Variants in HDAC9 observed in about 807,000 individuals in gnomAD.
The protein encoded by HDAC9 is MEF-2 interacting transcription repressor (MITR) protein.
A neutral mutation model predicts 139.4 loss-of-function variants in HDAC9; 41 were observed. The observed-to-expected ratio is 0.29, with a 90% CI of 0.23 to 0.38. The LOEUF (loss-of-function observed/expected upper bound fraction) is 0.38. Among genes scored for constraint, HDAC9 ranks in the 10% least tolerant of loss-of-function variants. The pLI is 1.00. For missense variants in HDAC9, 1,147 were observed against 1,297.0 expected, an observed-to-expected ratio of 0.88 and a Z score of 1.78; for synonymous variants, 517 against 476.2, an observed-to-expected ratio of 1.09 and a Z score of -1.12.
chr7:18,835,490 C>A lies in HDAC9; in HGVS notation c.2490C>A (p.Thr830=). ...AGGATGTTCACCATGGAAACGGTACCCAGCAGGCCTTTTATGCTGACCCCA... is the reference window on the plus strand; with the variant it reads ...AGGATGTTCACCATGGAAACGGTACACAGCAGGCCTTTTATGCTGACCCCA... The part of the protein sequence containing the change: ...VDLDVHHGNG[T]QQAFYADPSI... Residue 830 remains threonine (T), a synonymous_variant, in exon 20 of 26, where the codon ACC becomes ACA. Coordinates refer to ENST00000686413, the MANE Select transcript of HDAC9 (RefSeq NM_178425.4). 2 of 1,613,358 alleles carry A rather than the reference C, an allele frequency of 1.2e-6. No individual in the cohort carries two copies. The highest frequency in any genetic ancestry group is 1.7e-6 in the Non-Finnish European group (2 of 1,179,522).
intron 12 of HDAC9, among the ~76,000 whole-genome samples, chr7:18,705,139 A>G (rs1783784989): frequency 6.6e-6 from 1 of 152,214 alleles, no homozygotes; most frequent in Non-Finnish European, 1.5e-5. Flanking sequence ...TGGATCCTTA[A>G]CTTGCTAATT....
chr7:18,280,885 T>C (rs572015594), intron 2 of HDAC9, among the ~76,000 whole-genome samples: 1 of 152,270 alleles, frequency 6.6e-6, no homozygotes, highest in Non-Finnish European at 1.5e-5. Flanking sequence ...TTATTTATCA[T>C]GAGCACATCA....
At chr7:18,590,294 C>G in intron 3 of HDAC9, 42 bp from the exon 4 acceptor site, 1 of 1,604,502 alleles carries the variant, frequency 6.2e-7, no homozygotes, top group Non-Finnish European at 8.5e-7. Context: ...ACTATGAAGC[C>G]TAAAGAAATT....
intron 16 of HDAC9, among the ~76,000 whole-genome samples, chr7:18,787,814 T>C (rs1791947833): frequency 6.6e-6 from 1 of 152,178 alleles, no homozygotes; most frequent in Non-Finnish European, 1.5e-5. Context: ...GATGAATATG[T>C]TATTTATTTT....
At chr7:18,531,495 T>C (rs1232630050) in intron 2 of HDAC9, among the ~76,000 whole-genome samples, 1 of 152,026 alleles carries the variant, frequency 6.6e-6, no homozygotes, top group Non-Finnish European at 1.5e-5. Context: ...AAATGAGAAA[T>C]GTACTCTTGA....
intron 1 of HDAC9, among the ~76,000 whole-genome samples, chr7:18,313,681 T>G (rs527904864): frequency 1.2e-3 from 184 of 152,326 alleles, no homozygotes; most frequent in South Asian, 4.8e-3. Context: ...AACAATTTAA[T>G]TTAAAATGCT....
chr7:18,440,784 TAAAC>T (rs759825006), intron 1 of HDAC9, among the ~76,000 whole-genome samples: 15 of 152,206 alleles, frequency 9.9e-5, no homozygotes, highest in Non-Finnish European at 1.9e-4. Flanking sequence ...TTTGCCATAA[TAAAC>T]AAACACAACA....
At chr7:18,749,923 A>G (rs1422961512) in intron 14 of HDAC9, among the ~76,000 whole-genome samples, 4 of 152,194 alleles carry the variant, frequency 2.6e-5, no homozygotes, top group Admixed American at 6.5e-5. Flanking sequence ...TTTAACATTT[A>G]CTAATTATTT....
chr7:18,492,681 G>A (rs1269068039), upstream of HDAC9, among the ~76,000 whole-genome samples: 1 of 151,852 alleles, frequency 6.6e-6, no homozygotes. Flanking sequence ...TATAGTTCTT[G>A]TAATAGAACA....
chr7:18,660,211 C>A (rs1392818976), intron 11 of HDAC9, among the ~76,000 whole-genome samples: 1 of 152,066 alleles, frequency 6.6e-6, no homozygotes, highest in African/African-American at 2.4e-5. Flanking sequence ...TCCACTGTGA[C>A]AAATTTGACT....
rs148694069 is a variant in HDAC9 at position 18,944,299 on chromosome 7, C to G, written c.2937+8357C>G. 7.7e-4 allele frequency among the ~76,000 whole-genome samples: 117 copies of G among 152,252 alleles called. 1 individual carries two copies. In the East Asian group the frequency reaches 0.021, roughly 27 times the overall value. Reference sequence around the variant, plus strand: ...ATATCTTTGACTCTGACAACTGAACCCTTTCTGCATTTTGTCTGAGTCGCT... The same window carrying G: ...ATATCTTTGACTCTGACAACTGAACGCTTTCTGCATTTTGTCTGAGTCGCT... On this transcript the variant is annotated intron_variant, in intron 23 of 25. Coordinates refer to ENST00000686413, the MANE Select transcript of HDAC9 (RefSeq NM_178425.4).
intron 17 of HDAC9, among the ~76,000 whole-genome samples, chr7:18,805,747 T>G (rs1224443789): frequency 1.3e-5 from 2 of 152,134 alleles, no homozygotes; most frequent in African/African-American, 4.8e-5. Flanking sequence ...TAAGGAACAG[T>G]GTTTGGATGT....
intron 23 of HDAC9, among the ~76,000 whole-genome samples, chr7:18,944,407 T>C (rs1219188351): frequency 6.6e-6 from 1 of 152,176 alleles, no homozygotes. Flanking sequence ...GTTGCTCTTA[T>C]GCAAAATATA....
intron 22 of HDAC9, among the ~76,000 whole-genome samples, chr7:18,908,297 T>C (rs992096764): frequency 6.6e-6 from 1 of 152,160 alleles, no homozygotes; most frequent in African/African-American, 2.4e-5. Context: ...GAGTAATATT[T>C]TGATACATCT....
At chr7:18,796,453 A>C (rs185919430) in intron 17 of HDAC9, among the ~76,000 whole-genome samples, 5 of 152,192 alleles carry the variant, frequency 3.3e-5, no homozygotes, top group Non-Finnish European at 5.9e-5. Flanking sequence ...CTTAAATAGA[A>C]CATGTGCAGC....
At chr7:18,810,232 CAAAG>C (rs970220827) in intron 17 of HDAC9, among the ~76,000 whole-genome samples, 5 of 151,750 alleles carry the variant, frequency 3.3e-5, no homozygotes, top group Non-Finnish European at 7.4e-5. Context: ...TAACAAAAAA[CAAAG>C]AAAGAAAGGA....
intron 23 of HDAC9, among the ~76,000 whole-genome samples, chr7:18,940,335 C>T (rs1781940813): frequency 6.6e-6 from 1 of 152,078 alleles, no homozygotes; most frequent in Non-Finnish European, 1.5e-5. Context: ...TGTACAAGGT[C>T]AGTCAAAATA....
Position 18,584,140 on chromosome 7 carries a change from CTTT to C in HDAC9, c.23-1123_23-1121del, listed in dbSNP as rs3084518. The stretch of plus-strand genomic sequence containing the variant: ...AACTATTCCTTTAGAAAGCAGCATT[CTTT>C]TTTTTTTTTTTTTTTTTGAGACAGT... On this transcript the variant is annotated intron_variant, in intron 2 of 25. Transcript: ENST00000686413. 3.3e-3 allele frequency among the ~76,000 whole-genome samples: 352 copies of C among 107,694 alleles called. 3 individuals are homozygous for C. The highest frequency in any genetic ancestry group is 0.012 in the African/African-American group (334 of 28,304). The allele number at this position is 107,694 out of a possible 152,430, so 70.7% of individuals were successfully genotyped here. A position where few individuals can be genotyped will look rare whatever the true frequency, so the allele number is the denominator to read the frequency against.
intron 12 of HDAC9, chr7:18,668,577 T>C: frequency 1.0e-6 from 1 of 977,154 alleles, no homozygotes; most frequent in Non-Finnish European, 1.2e-6. Flanking sequence ...GTTTCATCAG[T>C]ACAGTTGGTG....
Sources: allele counts gnomAD v4.1 joint callset (sites outside exome capture counted in the v4.1 genomes callset), GRCh38; gene constraint gnomAD v4.1.1; transcripts MANE v1.5; gene names NCBI Gene and HGNC (gene_info 2026-07-23, HGNC 2026-07-21).